Variants in RIT2 observed in about 807,000 individuals in gnomAD.
RIT2 encodes the protein Ras like without CAAX 2.
A neutral mutation model predicts 23.7 loss-of-function variants in RIT2; 24 were observed. The observed-to-expected ratio is 1.01, with a 90% CI of 0.73 to 1.43. RIT2 has a LOEUF of 1.43. Ranked by LOEUF, RIT2 falls within the 40% of genes most tolerant of loss-of-function variation. The probability of loss-of-function intolerance (pLI) is 0.00; values close to 1 mark genes in which losing one functional copy is unlikely to be tolerated. For missense variants in RIT2, 236 were observed against 266.9 expected, an observed-to-expected ratio of 0.88 and a Z score of 0.81; for synonymous variants, 107 against 91.1, an observed-to-expected ratio of 1.17 and a Z score of -0.99.
chr18:42,904,517 G>A (rs929048233), intron 4 of RIT2, among the ~76,000 whole-genome samples: 2 of 152,150 alleles, frequency 1.3e-5, no homozygotes, highest in Non-Finnish European at 2.9e-5. Context: ...GGAGGTAACT[G>A]TTAATGAGAG....
chr18:43,021,925 G>A lies in RIT2; in HGVS notation c.160+11886C>T, dbSNP rs146503124. Reference sequence around the variant, plus strand: ...TTTCCAAAAAAACTAAAAGTAGAACGATCATATAATCCAGCAATTTCGCCA... The same window carrying A: ...TTTCCAAAAAAACTAAAAGTAGAACAATCATATAATCCAGCAATTTCGCCA... On this transcript the variant is annotated intron_variant, in intron 2 of 4. Transcript: ENST00000326695. Among the ~76,000 whole-genome samples, 699 of 152,092 alleles carry A rather than the reference G, an allele frequency of 4.6e-3. 3 individuals are homozygous for A. Among genetic ancestry groups the A allele is most frequent in the African/African-American group, 0.013 (527 of 41,514 alleles).
chr18:42,750,983 G>A (rs142275450), intron 4 of RIT2, among the ~76,000 whole-genome samples: 3 of 151,952 alleles, frequency 2.0e-5, no homozygotes, highest in African/African-American at 7.2e-5. Flanking sequence ...ACTTGATTAA[G>A]GCCATCTGTA....
chr18:42,964,619 A>G (rs149066022), intron 3 of RIT2, among the ~76,000 whole-genome samples: 2,308 of 152,160 alleles, frequency 0.015, 26 homozygotes, highest in Non-Finnish European at 0.021. Context: ...ATGTTTTCCT[A>G]CTCCCACATA....
At chr18:43,068,669 C>T (rs572896549) in intron 1 of RIT2, among the ~76,000 whole-genome samples, 1 of 152,044 alleles carries the variant, frequency 6.6e-6, no homozygotes, top group African/African-American at 2.4e-5. Flanking sequence ...GGAATGTCTG[C>T]ACAATGTCTT....
At chr18:43,111,007 A>T (rs1913939400) in intron 1 of RIT2, among the ~76,000 whole-genome samples, 1 of 152,150 alleles carries the variant, frequency 6.6e-6, no homozygotes, top group Admixed American at 6.5e-5. Context: ...CTACTAATTT[A>T]TGCAGCACTA....
At chr18:43,064,430 T>C (rs1833772730) in intron 1 of RIT2, among the ~76,000 whole-genome samples, 1 of 152,152 alleles carries the variant, frequency 6.6e-6, no homozygotes, top group African/African-American at 2.4e-5. Flanking sequence ...GGTGACAAAT[T>C]TCTTTTTACA....
Position 42,864,446 on chromosome 18 carries a change from T to G in RIT2, c.426+59126A>C, listed in dbSNP as rs1278867585. Among the ~76,000 whole-genome samples the G allele has an allele frequency of 2.6e-5, 4 of 152,318 alleles. No homozygotes were observed. The East Asian group carries it at 7.7e-4, about 29-fold the overall frequency. ...TGGGTTTCTATTGCATACTCTGCAC[T>G]CTGGTGTACTCTGATGGGAAGTCAG... On this transcript the variant is annotated intron_variant, in intron 4 of 4. Transcript: ENST00000326695.
chr18:42,895,861 A>C (rs1020319769), intron 4 of RIT2, among the ~76,000 whole-genome samples: 5 of 152,340 alleles, frequency 3.3e-5, no homozygotes, highest in Non-Finnish European at 7.4e-5. Context: ...ATAGGCATTC[A>C]AAAATCTATA....
At chr18:42,937,175 A>G (rs1016575577) in intron 3 of RIT2, among the ~76,000 whole-genome samples, 2 of 152,154 alleles carry the variant, frequency 1.3e-5, no homozygotes, top group African/African-American at 4.8e-5. Flanking sequence ...ATTAAATAAC[A>G]CAATGTGTGA....
chr18:42,833,336 A>G (rs1425562514), intron 4 of RIT2, among the ~76,000 whole-genome samples: 3 of 152,122 alleles, frequency 2.0e-5, no homozygotes, highest in South Asian at 2.1e-4. Context: ...TTATGGCTAA[A>G]TCGTATTCCA....
intron 2 of RIT2, 128 bp downstream of exon 2, chr18:43,033,683 T>C: frequency 1.5e-6 from 1 of 672,430 alleles, no homozygotes; most frequent in Non-Finnish European, 2.6e-6. Context: ...ATATGATAGA[T>C]TTGTGTGTAT....
At chr18:42,786,369 C>G (rs2143939745) in intron 4 of RIT2, among the ~76,000 whole-genome samples, 1 of 152,268 alleles carries the variant, frequency 6.6e-6, no homozygotes, top group African/African-American at 2.4e-5. Flanking sequence ...TGACACAACA[C>G]ATTGTTATTC....
chr18:42,980,532 C>G (rs887448400), intron 2 of RIT2, among the ~76,000 whole-genome samples: 3 of 152,068 alleles, frequency 2.0e-5, no homozygotes, highest in Admixed American at 1.3e-4. Flanking sequence ...CTCTGATACC[C>G]CCCGGAGATT....
At chr18:43,091,780 T>TG (rs1180201388) in intron 1 of RIT2, among the ~76,000 whole-genome samples, 1 of 152,112 alleles carries the variant, frequency 6.6e-6, no homozygotes, top group South Asian at 2.1e-4. Context: ...TGAATGCTCC[T>TG]GGTCTCTTCT....
intron 4 of RIT2, among the ~76,000 whole-genome samples, chr18:42,885,792 C>G (rs1389977185): frequency 6.6e-6 from 1 of 152,132 alleles, no homozygotes; most frequent in African/African-American, 2.4e-5. Flanking sequence ...AGGTTTAACA[C>G]ATATTTGCAT....
Position 43,087,241 on chromosome 18 carries a change from CA to C in RIT2, c.103+28175del, listed in dbSNP as rs914114273. Among the ~76,000 whole-genome samples, 4 of 150,566 alleles carry C rather than the reference CA, an allele frequency of 2.7e-5. No homozygotes were observed. The East Asian group carries it at 7.8e-4, about 29-fold the overall frequency. On this transcript the variant is annotated intron_variant, in intron 1 of 4. Transcript: ENST00000326695. The stretch of plus-strand genomic sequence containing the variant: ...TGGGCAACAGAGCAAGACTCTGTCT[CA>C]AAAAAAATAAAATAAAATAAAAAAG...
At chr18:42,759,102 T>C (rs2143896641) in intron 4 of RIT2, among the ~76,000 whole-genome samples, 1 of 152,280 alleles carries the variant, frequency 6.6e-6, no homozygotes, top group Admixed American at 6.5e-5. Flanking sequence ...TCCTATTGGT[T>C]CTGTTTCTCT....
intron 4 of RIT2, among the ~76,000 whole-genome samples, chr18:42,820,689 C>T (rs1906123487): frequency 6.6e-6 from 1 of 152,160 alleles, no homozygotes; most frequent in Non-Finnish European, 1.5e-5. Context: ...ACCATTTCTT[C>T]TCTTTATCCT....
intron 4 of RIT2, among the ~76,000 whole-genome samples, chr18:42,824,758 T>C (rs1396173213): frequency 1.2e-5 from 1 of 85,040 alleles, no homozygotes; most frequent in Non-Finnish European, 3.0e-5. Context: ...TTTGTGTGTA[T>C]GTGTGTGTGT....
Sources: gnomAD v4.1 joint callset for allele counts (sites outside exome capture counted in the v4.1 genomes callset) on GRCh38, gnomAD v4.1.1 for gene constraint, MANE v1.5 for transcripts, NCBI Gene and HGNC (gene_info 2026-07-23, HGNC 2026-07-21) for gene names.